LIMCH1: variants seen among roughly 807,000 people sequenced by gnomAD.
LIMCH1 encodes the protein LIM and calponin homology domains-containing protein 1.
A neutral mutation model predicts 176.5 loss-of-function variants in LIMCH1; 113 were observed. The ratio of observed to expected loss-of-function variants is 0.64; its 90% CI spans 0.55 to 0.75. LIMCH1 has a LOEUF of 0.75. Among genes scored for constraint, LIMCH1 ranks in the 30% least tolerant of loss-of-function variants. LIMCH1 has a pLI of 0.00. For synonymous variants in LIMCH1, 619 were observed against 645.9 expected, an observed-to-expected ratio of 0.96 and a Z score of 0.63; for missense variants, 1,674 against 1,814.9, an observed-to-expected ratio of 0.92 and a Z score of 1.41.
intron 1 of LIMCH1, among the ~76,000 whole-genome samples, chr4:41,448,010 C>CAAA (rs1241229622): frequency 6.6e-6 from 1 of 152,158 alleles, no homozygotes; most frequent in East Asian, 1.9e-4. Context: ...AGGCTGGTCT[C>CAAA]AAACTCCTGA....
At chr4:41,361,968 G>A (rs1230737929) in intron 1 of LIMCH1, among the ~76,000 whole-genome samples, 2 of 152,108 alleles carry the variant, frequency 1.3e-5, no homozygotes, top group Non-Finnish European at 1.5e-5. Flanking sequence ...GAAGTGTATC[G>A]CTAAATCATG....
chr4:41,691,416 T>G (rs940669309), intron 30 of LIMCH1, among the ~76,000 whole-genome samples: 1 of 152,092 alleles, frequency 6.6e-6, no homozygotes, highest in African/African-American at 2.4e-5. Flanking sequence ...GTGGATTTGT[T>G]GCTCTGAATA....
intron 1 of LIMCH1, chr4:41,473,115 A>G (rs1291864289): frequency 2.0e-6 from 2 of 985,278 alleles, no homozygotes; most frequent in East Asian, 2.3e-4. Flanking sequence ...TCCCAGTGCC[A>G]TAAAATGACA....
At position 41,623,050 on chromosome 4, in the gene LIMCH1, C is replaced by CT. The variant is rs1343069438; in HGVS notation, c.725+2363dup. ...TGCCACCAGCCTGGCATGTCTACGT[C>CT]TTTGTCACTTACTTTTTTGCATGCC... On this transcript the variant is annotated intron_variant, in intron 7 of 31. Coordinates refer to ENST00000503057, the MANE Select transcript of LIMCH1 (RefSeq NM_001330672.2). 9.2e-4 allele frequency among the ~76,000 whole-genome samples: 140 copies of CT among 152,264 alleles called. 1 individual carries two copies. Among genetic ancestry groups the CT allele is most frequent in the African/African-American group, 3.2e-3 (131 of 41,546 alleles).
upstream of LIMCH1, chr4:41,360,733 C>A (rs2051851453): frequency 6.0e-6 from 4 of 668,782 alleles, no homozygotes; most frequent in Middle Eastern, 4.7e-4. The surrounding 1 kb of genome is among the most constrained non-coding windows in gnomAD (Gnocchi z 4.5). Flanking sequence ...CGGGGAGAGG[C>A]GGGGAGGGGA....
At chr4:41,467,408 C>T (rs1200905820) in intron 1 of LIMCH1, among the ~76,000 whole-genome samples, 5 of 152,094 alleles carry the variant, frequency 3.3e-5, no homozygotes, top group African/African-American at 4.8e-5. Context: ...AGAGGTTTAA[C>T]GAATTCACAG....
intron 7 of LIMCH1, among the ~76,000 whole-genome samples, chr4:41,625,234 T>A (rs2092866773): frequency 6.6e-6 from 1 of 152,198 alleles, no homozygotes; most frequent in Non-Finnish European, 1.5e-5. Flanking sequence ...TGAAAGTTAG[T>A]GTATCTGGAA....
intron 5 of LIMCH1, 150 bp downstream of exon 5, chr4:41,613,811 A>G: frequency 1.4e-6 from 1 of 707,218 alleles, no homozygotes; most frequent in South Asian, 2.0e-5. Flanking sequence ...AGAAAAAAGA[A>G]GTCTTTGAAT....
intron 1 of LIMCH1, among the ~76,000 whole-genome samples, chr4:41,419,679 T>TC (rs2060400873): frequency 2.1e-5 from 1 of 46,854 alleles, no homozygotes; most frequent in African/African-American, 1.2e-4. Context: ...CTTCCTTCCT[T>TC]CCTCCTTCCT....
Position 41,697,439 on chromosome 4 carries a change from C to T in LIMCH1, c.*254C>T. On this transcript the variant is annotated 3_prime_UTR_variant, in exon 32 of 32. Transcript: ENST00000503057. ...ATGGGGTTGTAATGATCCTGAATAGCTCAAAAAAGGTTTTAGCATGGTCAA... is the reference window on the plus strand; with the variant it reads ...ATGGGGTTGTAATGATCCTGAATAGTTCAAAAAAGGTTTTAGCATGGTCAA... The T allele has an allele frequency of 2.4e-6, 1 of 423,430 alleles. No homozygotes were observed. The highest frequency in any genetic ancestry group is 4.0e-5 in the Admixed American group (1 of 25,218). 26.2% of individuals were successfully genotyped at this position (423,430 alleles called of 1,614,324 possible).
intron 1 of LIMCH1, among the ~76,000 whole-genome samples, chr4:41,594,860 C>T (rs1201385322): frequency 6.6e-6 from 1 of 152,176 alleles, no homozygotes; most frequent in Non-Finnish European, 1.5e-5. Flanking sequence ...CACAGTCATG[C>T]ACCTCTTAGG....
chr4:41,638,592 T>C (rs979048157), intron 13 of LIMCH1, among the ~76,000 whole-genome samples: 3 of 152,214 alleles, frequency 2.0e-5, no homozygotes, highest in Non-Finnish European at 4.4e-5. Flanking sequence ...GTAATACATG[T>C]TTGTTTTCTA....
At chr4:41,379,376 C>T (rs1276528359) in intron 1 of LIMCH1, among the ~76,000 whole-genome samples, 1 of 152,140 alleles carries the variant, frequency 6.6e-6, no homozygotes. Context: ...CTGACTTCCC[C>T]TAAAGTGAAT....
At chr4:41,437,745 A>G (rs566270183) in intron 1 of LIMCH1, among the ~76,000 whole-genome samples, 7 of 152,236 alleles carry the variant, frequency 4.6e-5, no homozygotes, top group African/African-American at 1.7e-4. Flanking sequence ...ATGTAAATTC[A>G]ATTTTTTCCC....
At chr4:41,377,473 T>C (rs71608076) in intron 1 of LIMCH1, among the ~76,000 whole-genome samples, 1 of 152,186 alleles carries the variant, frequency 6.6e-6, no homozygotes, top group Non-Finnish European at 1.5e-5. Context: ...TGGATATTTT[T>C]CCAGTAATAC....
intron 1 of LIMCH1, among the ~76,000 whole-genome samples, chr4:41,366,960 A>T (rs920088779): frequency 6.6e-6 from 1 of 152,228 alleles, no homozygotes; most frequent in Admixed American, 6.5e-5. Context: ...ACTTATAATT[A>T]TGATGGAAGG....
At chr4:41,677,644 A>G (rs1348051365) in intron 23 of LIMCH1, among the ~76,000 whole-genome samples, 1 of 152,194 alleles carries the variant, frequency 6.6e-6, no homozygotes, top group Non-Finnish European at 1.5e-5. Flanking sequence ...TACTTCATTT[A>G]TCCTCAAACA....
chr4:41,437,200 G>T (rs2062172069), intron 1 of LIMCH1, among the ~76,000 whole-genome samples: 1 of 152,132 alleles, frequency 6.6e-6, no homozygotes, highest in Non-Finnish European at 1.5e-5. Context: ...TGTAAGGAAG[G>T]GATACAGAAA....
intron 1 of LIMCH1, among the ~76,000 whole-genome samples, chr4:41,552,717 TA>T (rs1458775866): frequency 6.6e-6 from 1 of 152,196 alleles, no homozygotes; most frequent in Non-Finnish European, 1.5e-5. Context: ...TTGGATAAAA[TA>T]GCTTTTAAAA....
Sources: allele counts gnomAD v4.1 joint callset (sites outside exome capture counted in the v4.1 genomes callset), GRCh38; gene constraint gnomAD v4.1.1; non-coding constraint Gnocchi (gnomAD v3.1); transcripts MANE v1.5; gene names NCBI Gene and HGNC (gene_info 2026-07-23, HGNC 2026-07-21).